The following EHBP1 variants were observed in gnomAD, a reference collection of about 807,000 sequenced individuals.
The protein encoded by EHBP1 is EH domain-binding protein 1.
EHBP1 carries 55 observed loss-of-function variants against 144.0 expected under a neutral mutation model. That is an observed-to-expected ratio of 0.38 (90% CI 0.31 to 0.48). The LOEUF (loss-of-function observed/expected upper bound fraction) is 0.48. Ranked by LOEUF, EHBP1 falls within the 20% of genes least tolerant of loss-of-function variation. The pLI is 0.98. For missense variants in EHBP1, 1,200 were observed against 1,364.2 expected (o/e 0.88, Z 1.90); for synonymous variants, 469 against 472.7 (o/e 0.99, Z 0.10).
chr2:62,961,934 A>G (rs575459748), intron 14 of EHBP1, among the ~76,000 whole-genome samples: 1 of 152,292 alleles, frequency 6.6e-6, no homozygotes, highest in East Asian at 1.9e-4. Flanking sequence ...AGGCTGAGGC[A>G]GGAGAATTGC....
chr2:62,691,616 T>TA (rs2033908249), intron 1 of EHBP1, among the ~76,000 whole-genome samples: 1 of 152,208 alleles, frequency 6.6e-6, no homozygotes, highest in Admixed American at 6.5e-5. Context: ...CCAGACCTCC[T>TA]AAATTTTCCC....
intron 10 of EHBP1, among the ~76,000 whole-genome samples, chr2:62,884,482 C>G (rs2051747744): frequency 6.6e-6 from 1 of 152,150 alleles, no homozygotes; most frequent in African/African-American, 2.4e-5. Context: ...CACTGGGGAC[C>G]AGGTATGGAC....
intron 17 of EHBP1, 64 bp from the exon 18 acceptor site, chr2:62,993,807 A>G: frequency 7.6e-7 from 1 of 1,313,028 alleles, no homozygotes; most frequent in Non-Finnish European, 1.0e-6. Context: ...GTAAATTCAC[A>G]TTTCAATACA....
chr2:62,771,358 T>C lies in EHBP1; in HGVS notation c.278T>C (p.Phe93Ser). ...TLFKDPHAEE[F>S]EDKEWTFVIE... is the part of the protein sequence containing the mutation. ...TTACAGGATCCTCATGCGGAAGAAT[T>C]TGAAGACAAAGAGTGGACATTTGTC... Residue 93 changes from phenylalanine to serine, a missense_variant, in exon 5 of 23, where the codon TTT becomes TCT. Transcript: ENST00000431489. The C allele has an allele frequency of 6.3e-7, 1 of 1,593,576 alleles. No individual in the cohort carries two copies.
chr2:62,910,949 T>C (rs1315777314), intron 10 of EHBP1, among the ~76,000 whole-genome samples: 1 of 152,184 alleles, frequency 6.6e-6, no homozygotes, highest in Non-Finnish European at 1.5e-5. Context: ...AGAAAGAATG[T>C]GTCATTAGGC....
intron 15 of EHBP1, chr2:62,988,122 A>AT: frequency 1.3e-6 from 1 of 781,428 alleles, no homozygotes; most frequent in Non-Finnish European, 2.1e-6. Flanking sequence ...AATAATAATA[A>AT]TAATTTTGTA....
chr2:62,825,191 C>G (rs1398961677), intron 5 of EHBP1, among the ~76,000 whole-genome samples: 2 of 151,958 alleles, frequency 1.3e-5, no homozygotes, highest in African/African-American at 4.8e-5. Flanking sequence ...GCCATAGAAC[C>G]TGCAGAGATT....
chr2:63,019,146 T>G (rs1044462263), intron 19 of EHBP1, among the ~76,000 whole-genome samples: 1 of 152,168 alleles, frequency 6.6e-6, no homozygotes, highest in South Asian at 2.1e-4. Flanking sequence ...GTTAAAAACA[T>G]AGATTCCCAA....
intron 10 of EHBP1, among the ~76,000 whole-genome samples, chr2:62,937,047 G>A (rs2056432281): frequency 6.6e-6 from 1 of 152,122 alleles, no homozygotes; most frequent in East Asian, 1.9e-4. Flanking sequence ...CAACAGAATG[G>A]ACAGGTTTAT....
At chr2:62,748,808 TG>T (rs960347478) in intron 3 of EHBP1, among the ~76,000 whole-genome samples, 23 of 152,186 alleles carry the variant, frequency 1.5e-4, no homozygotes, top group Non-Finnish European at 3.1e-4. Context: ...TACAATTTTC[TG>T]TATTTAAAAT....
chr2:63,025,992 G>C (rs1004031798), intron 19 of EHBP1, among the ~76,000 whole-genome samples: 3 of 152,188 alleles, frequency 2.0e-5, no homozygotes, highest in Non-Finnish European at 4.4e-5. Flanking sequence ...TAGTTGATGG[G>C]TTTGGGTGCA....
Position 62,948,828 on chromosome 2 carries a change from A to G in EHBP1, c.1982A>G (p.Glu661Gly). The G allele has an allele frequency of 1.9e-6, 3 of 1,614,148 alleles. No homozygotes were observed. The highest frequency in any genetic ancestry group is 2.2e-5 in the South Asian group (2 of 91,086). ...AGACTATTGAAAGCTGAGACTTTAG[A>G]ATTGAGTGACTTATATGTTAGTGAT... ...KKRLLKAETL[E>G]LSDLYVSDKK... Residue 661 changes from glutamate to glycine, a missense_variant, in exon 13 of 23, where the codon GAA becomes GGA. Glu to Gly is a moderately conservative substitution (Grantham distance 98). Transcript: ENST00000431489.
rs183598748 is a variant in EHBP1 at position 62,848,039 on chromosome 2, G to A, written c.635-11130G>A. On this transcript the variant is annotated intron_variant, in intron 7 of 22. Transcript: ENST00000431489. ...ACCAACAAACTCTCATCCATTGTTG[G>A]TAGAATGTATAATGGTACCATCACA... is the stretch of plus-strand genomic sequence containing the variant. 1.6e-3 allele frequency among the ~76,000 whole-genome samples: 242 copies of A among 150,656 alleles called. 3 individuals are homozygous for A. The highest frequency in any genetic ancestry group is 5.7e-3 in the African/African-American group (234 of 41,058).
chr2:62,789,956 A>C (rs1459529459), intron 5 of EHBP1, among the ~76,000 whole-genome samples: 2 of 152,202 alleles, frequency 1.3e-5, no homozygotes, highest in East Asian at 3.8e-4. Context: ...TTTCTATATG[A>C]TGTCAGCGAA....
At chr2:62,799,097 T>G (rs1309668946) in intron 5 of EHBP1, among the ~76,000 whole-genome samples, 1 of 152,034 alleles carries the variant, frequency 6.6e-6, no homozygotes, top group African/African-American at 2.4e-5. Flanking sequence ...GTTTTTAAGC[T>G]TTCATATTAG....
At chr2:62,767,833 CAAAAAAAA>C (rs1208266767) in intron 4 of EHBP1, among the ~76,000 whole-genome samples, 1 of 76,422 alleles carries the variant, frequency 1.3e-5, no homozygotes, top group African/African-American at 6.2e-5. Context: ...AAGACTCTGT[CAAAAAAAA>C]AAAAAAAAAA....
At chr2:62,896,564 A>G (rs560639047) in intron 10 of EHBP1, among the ~76,000 whole-genome samples, 2 of 151,260 alleles carry the variant, frequency 1.3e-5, no homozygotes, top group South Asian at 4.2e-4. Context: ...TATTAAATCC[A>G]TCTCTGTGGT....
intron 1 of EHBP1, among the ~76,000 whole-genome samples, chr2:62,698,686 G>T (rs1029296491): frequency 6.6e-6 from 1 of 152,172 alleles, no homozygotes; most frequent in Middle Eastern, 3.2e-3. Context: ...CCCAGGCTAC[G>T]TTCTGATCAC....
At chr2:62,899,625 T>TA (rs2053234773) in intron 10 of EHBP1, among the ~76,000 whole-genome samples, 1 of 152,228 alleles carries the variant, frequency 6.6e-6, no homozygotes, top group Non-Finnish European at 1.5e-5. Flanking sequence ...ACAGATATAT[T>TA]ACATGCATAT....
Sources: gnomAD v4.1 joint callset for allele counts (sites outside exome capture counted in the v4.1 genomes callset) on GRCh38, gnomAD v4.1.1 for gene constraint, MANE v1.5 for transcripts, NCBI Gene and HGNC (gene_info 2026-07-23, HGNC 2026-07-21) for gene names.